PIK3C2G: variants seen among roughly 807,000 people sequenced by gnomAD.
PIK3C2G encodes the protein phosphatidylinositol 3-kinase C2 domain-containing subunit gamma.
A neutral mutation model predicts 181.1 loss-of-function variants in PIK3C2G; 168 were observed. The observed-to-expected ratio is 0.93, with a 90% CI of 0.82 to 1.05. The LOEUF (loss-of-function observed/expected upper bound fraction) is 1.05, where lower values mean the gene tolerates loss of function less well. PIK3C2G is among the 50% of genes least tolerant of loss of function. The probability of loss-of-function intolerance (pLI) is 0.00; values close to 1 mark genes in which losing one functional copy is unlikely to be tolerated. For missense variants in PIK3C2G, 1,869 were observed against 1,732.8 expected (o/e 1.08, Z -1.40); for synonymous variants, 573 against 592.2 (o/e 0.97, Z 0.47).
At chr12:18,289,707 C>T (rs1180383985) in intron 3 of PIK3C2G, among the ~76,000 whole-genome samples, 6 of 152,112 alleles carry the variant, frequency 3.9e-5, no homozygotes, top group Non-Finnish European at 5.9e-5. Flanking sequence ...CAGATGCATG[C>T]CAGGCCATTG....
intron 18 of PIK3C2G, among the ~76,000 whole-genome samples, chr12:18,435,320 T>C (rs1367485450): frequency 6.6e-6 from 1 of 152,118 alleles, no homozygotes; most frequent in Non-Finnish European, 1.5e-5. Flanking sequence ...ACCTTTGGTA[T>C]CATCTACTTG....
intron 1 of PIK3C2G, among the ~76,000 whole-genome samples, chr12:18,263,968 A>G (rs1196129999): frequency 2.0e-5 from 3 of 152,150 alleles, no homozygotes; most frequent in Non-Finnish European, 4.4e-5. Flanking sequence ...GGACAAGGCA[A>G]TTGTTTGTCT....
rs1303514822 is a variant in PIK3C2G at position 18,538,285 on chromosome 12, C to A, written c.3453C>A (p.Ser1151Arg). Residue 1151 changes from serine (S) to arginine (R), a missense_variant, in exon 25 of 33, where the codon AGC becomes AGA. Physicochemically the swap from Ser to Arg is moderately radical, Grantham distance 110. Transcript: ENST00000538779. ...CTTATAATATTATCAGAAAGCACAGCCAACTGCTCTTGAACCTGCTGGAAA... is the reference window on the plus strand; with the variant it reads ...CTTATAATATTATCAGAAAGCACAGACAACTGCTCTTGAACCTGCTGGAAA... ...CRAYNIIRKHSQLLLNLLEMM... is the reference protein window; with the variant it reads ...CRAYNIIRKHRQLLLNLLEMM... 6.2e-7 allele frequency: 1 copy of A among 1,609,656 alleles called. No homozygotes were observed. The highest frequency in any genetic ancestry group is 1.7e-5 in the Admixed American group (1 of 59,104).
chr12:18,395,775 T>C (rs946156571), intron 15 of PIK3C2G, among the ~76,000 whole-genome samples: 2 of 151,378 alleles, frequency 1.3e-5, no homozygotes, highest in Non-Finnish European at 3.0e-5. Flanking sequence ...TCATATTATA[T>C]GTAAGGATGC....
chr12:18,636,429 C>T lies in PIK3C2G; in HGVS notation c.4183-4000C>T, dbSNP rs147258463. On this transcript the variant is annotated intron_variant, in intron 31 of 32. Transcript: ENST00000538779. ...TATTTTTAGTAGAGATGGGGTTTCT[C>T]CATGTTGGTCAGGCTGGTCTCGAAC... 2.7e-3 allele frequency among the ~76,000 whole-genome samples: 409 copies of T among 152,152 alleles called. 4 individuals carry two copies. The highest frequency in any genetic ancestry group is 9.3e-3 in the African/African-American group (385 of 41,502).
chr12:18,336,600 C>T (rs1252940450), intron 8 of PIK3C2G, among the ~76,000 whole-genome samples: 4 of 152,080 alleles, frequency 2.6e-5, no homozygotes, highest in African/African-American at 9.7e-5. Flanking sequence ...ACAATATTGA[C>T]TTACATTGAG....
At chr12:18,310,676 T>C (rs1413998519) in intron 5 of PIK3C2G, among the ~76,000 whole-genome samples, 1 of 151,870 alleles carries the variant, frequency 6.6e-6, no homozygotes, top group African/African-American at 2.4e-5. Context: ...AGTAAAAATA[T>C]GTTTATGAAT....
intron 8 of PIK3C2G, among the ~76,000 whole-genome samples, chr12:18,332,517 G>C (rs1938081845): frequency 6.6e-6 from 1 of 152,074 alleles, no homozygotes; most frequent in Non-Finnish European, 1.5e-5. Flanking sequence ...CAGTAAACGA[G>C]AGTTTATTGC....
At chr12:18,524,513 T>C (rs1203372785) in intron 24 of PIK3C2G, among the ~76,000 whole-genome samples, 2 of 152,148 alleles carry the variant, frequency 1.3e-5, no homozygotes, top group Non-Finnish European at 2.9e-5. Context: ...TGTATTAGTA[T>C]ATGTTAATGG....
chr12:18,362,857 A>AT lies in PIK3C2G; in HGVS notation c.1727dup (p.Val578GlyfsTer5). 1.7e-5 allele frequency: 26 copies of AT among 1,513,372 alleles called. No homozygotes were observed. The highest frequency in any genetic ancestry group is 7.5e-5 in the South Asian group (6 of 80,268). 93.7% of individuals were successfully genotyped at this position (1,513,372 alleles called of 1,614,324 possible). ...ACAGAAATATTCCAGACAAGAAATT[A>AT]TTTTTTTTCTTGGTCAACTGGAATG... On this transcript the variant is annotated frameshift_variant, in exon 12 of 33. Coordinates refer to ENST00000538779, the MANE Select transcript of PIK3C2G (RefSeq NM_001288772.2). LOFTEE classifies it high-confidence loss of function.
intron 8 of PIK3C2G, among the ~76,000 whole-genome samples, chr12:18,331,327 T>C (rs1404960397): frequency 6.6e-6 from 1 of 152,186 alleles, no homozygotes; most frequent in African/African-American, 2.4e-5. Context: ...ATCTATTTCT[T>C]CACCTACACA....
chr12:18,510,278 T>G (rs992713187), intron 24 of PIK3C2G, among the ~76,000 whole-genome samples: 5 of 152,246 alleles, frequency 3.3e-5, no homozygotes, highest in African/African-American at 1.2e-4. Context: ...TCTTCATTTT[T>G]TAATTTTCTT....
chr12:18,608,353 T>C (rs2136586669), intron 30 of PIK3C2G, among the ~76,000 whole-genome samples: 2 of 152,150 alleles, frequency 1.3e-5, no homozygotes, highest in South Asian at 4.2e-4. Flanking sequence ...GTGGCACATA[T>C]ACACCATGGA....
rs1939236896 is a variant in PIK3C2G at position 18,478,608 on chromosome 12, G to C, written c.2505-9841G>C. 2.6e-5 allele frequency among the ~76,000 whole-genome samples: 4 copies of C among 152,176 alleles called. No individual in the cohort carries two copies. In the South Asian group the frequency reaches 6.2e-4, roughly 24 times the overall value. On this transcript the variant is annotated intron_variant, in intron 18 of 32. Transcript: ENST00000538779. ...GTGTATGATTTGCATCATCAGAATA[G>C]ATCCCACAATTCTATTATTTTAGTG...
intron 15 of PIK3C2G, among the ~76,000 whole-genome samples, chr12:18,395,220 A>C (rs1337784286): frequency 6.6e-6 from 1 of 151,106 alleles, no homozygotes; most frequent in Non-Finnish European, 1.5e-5. Context: ...GATAAATTTA[A>C]AAATTTTGAA....
intron 31 of PIK3C2G, among the ~76,000 whole-genome samples, chr12:18,632,076 A>G (rs1288742562): frequency 6.6e-6 from 1 of 152,076 alleles, no homozygotes; most frequent in Non-Finnish European, 1.5e-5. Context: ...GGTGGAGACC[A>G]GGGACACTGT....
At chr12:18,627,509 CA>C (rs1323261119) in intron 31 of PIK3C2G, among the ~76,000 whole-genome samples, 2 of 152,058 alleles carry the variant, frequency 1.3e-5, no homozygotes, top group East Asian at 3.9e-4. Flanking sequence ...CTGGCCTTTA[CA>C]AGTGTTCTTT....
At position 18,423,962 on chromosome 12, in the gene PIK3C2G, G is replaced by C. The variant is rs753453484; in HGVS notation, c.2427G>C (p.Trp809Cys). Residue 809 changes from tryptophan to cysteine, a missense_variant, in exon 18 of 33, where the codon TGG becomes TGC. Transcript: ENST00000538779. ...PQLVQAVKFE[W>C]NLESPLVQLL... ...TACTTCAGGCTGTCAAGTTTGAATG[G>C]AACCTTGAGAGTCCTTTAGTGCAAC... 2 of 1,609,180 alleles carry C rather than the reference G, an allele frequency of 1.2e-6. No individual in the cohort carries two copies. Among genetic ancestry groups the C allele is most frequent in the Non-Finnish European group, 8.5e-7 (1 of 1,176,812 alleles).
rs541157848 is a variant in PIK3C2G, at chr12:18,635,311, G to A, written c.4183-5118G>A. ...GCAGCAATGGAAACCATGGGAACTT[G>A]GGCCACTTCTTCATGTAACTTATCG... On this transcript the variant is annotated intron_variant, in intron 31 of 32. Transcript: ENST00000538779. 3.5e-4 allele frequency among the ~76,000 whole-genome samples: 54 copies of A among 152,330 alleles called. 1 individual carries two copies. The South Asian group carries it at 0.011, about 30-fold the overall frequency.
Sources: allele counts gnomAD v4.1 joint callset (sites outside exome capture counted in the v4.1 genomes callset), GRCh38; gene constraint gnomAD v4.1.1; transcripts MANE v1.5; gene names NCBI Gene and HGNC (gene_info 2026-07-23, HGNC 2026-07-21).